Variants in LTBP1 observed in about 807,000 individuals in gnomAD.
LTBP1 encodes latent transforming growth factor beta binding protein 1.
In LTBP1, 129 loss-of-function variants were observed where a neutral mutation model predicts 207.6. The observed-to-expected ratio is 0.62, with a 90% confidence interval of 0.54 to 0.72. LTBP1 has a LOEUF of 0.72. Among genes scored for constraint, LTBP1 ranks in the 30% least tolerant of loss-of-function variants. The pLI is 0.00. For synonymous variants in LTBP1, 963 were observed against 833.7 expected (o/e 1.16, Z -2.67); for missense variants, 2,281 against 2,217.2 (o/e 1.03, Z -0.58).
At chr2:33,332,101 T>C (rs2094500258) in intron 24 of LTBP1, among the ~76,000 whole-genome samples, 2 of 152,228 alleles carry the variant, frequency 1.3e-5, no homozygotes, top group Middle Eastern at 6.8e-3. Flanking sequence ...ATTTTATTTT[T>C]GTTTGTACAG....
intron 3 of LTBP1, among the ~76,000 whole-genome samples, chr2:33,092,649 T>G (rs966314230): frequency 3.3e-5 from 5 of 152,180 alleles, no homozygotes; most frequent in Non-Finnish European, 7.3e-5. Flanking sequence ...GGTGGAATTT[T>G]TAGTCTTAGA....
At chr2:33,178,819 TC>T (rs2086328990) in intron 5 of LTBP1, among the ~76,000 whole-genome samples, 2 of 152,226 alleles carry the variant, frequency 1.3e-5, no homozygotes, top group South Asian at 4.1e-4. Context: ...TGGAGGAACT[TC>T]CTTGTAATGA....
intron 19 of LTBP1, among the ~76,000 whole-genome samples, chr2:33,284,927 T>C (rs1296214008): frequency 6.6e-6 from 1 of 152,100 alleles, no homozygotes; most frequent in Non-Finnish European, 1.5e-5. Context: ...CCATCCATGC[T>C]ACAACCCTTT....
chr2:33,213,632 C>G (rs1323561610), intron 7 of LTBP1, among the ~76,000 whole-genome samples: 1 of 152,172 alleles, frequency 6.6e-6, no homozygotes, highest in Admixed American at 6.5e-5. Flanking sequence ...TCAGTGGTCT[C>G]TTGGGTGAGA....
intron 2 of LTBP1, among the ~76,000 whole-genome samples, chr2:32,955,848 A>G (rs1244341197): frequency 6.6e-6 from 1 of 152,130 alleles, no homozygotes; most frequent in Non-Finnish European, 1.5e-5. Flanking sequence ...TGTGACACAA[A>G]TTGGTTGTTT....
intron 15 of LTBP1, among the ~76,000 whole-genome samples, chr2:33,267,241 C>G (rs962143553): frequency 6.6e-6 from 1 of 152,256 alleles, no homozygotes; most frequent in African/African-American, 2.4e-5. Flanking sequence ...TCACACACCC[C>G]TCACTGCTCC....
chr2:33,269,881 A>G (rs1475192002), intron 15 of LTBP1, among the ~76,000 whole-genome samples: 1 of 152,114 alleles, frequency 6.6e-6, no homozygotes, highest in Non-Finnish European at 1.5e-5. Context: ...AAGGAGAGAA[A>G]ACACAGGGGA....
intron 31 of LTBP1, among the ~76,000 whole-genome samples, chr2:33,381,829 A>T (rs1308679547): frequency 1.3e-5 from 2 of 152,106 alleles, no homozygotes; most frequent in Non-Finnish European, 2.9e-5. Flanking sequence ...CAGATAGACC[A>T]CTTTGGGTTC....
At chr2:33,103,632 T>TG (rs200334066) in intron 3 of LTBP1, among the ~76,000 whole-genome samples, 16,209 of 149,300 alleles carry the variant, frequency 0.11, 1,140 homozygotes, top group Non-Finnish European at 0.15. Context: ...TGTGTGAGTG[T>TG]TATGCTGCCA....
At chr2:33,171,716 A>G (rs2085474213) in intron 5 of LTBP1, among the ~76,000 whole-genome samples, 1 of 152,224 alleles carries the variant, frequency 6.6e-6, no homozygotes, top group South Asian at 2.1e-4. Context: ...CAGATTCACC[A>G]AAGTTGAAAT....
chr2:32,968,262 G>A (rs1680296466), intron 2 of LTBP1, among the ~76,000 whole-genome samples: 1 of 152,310 alleles, frequency 6.6e-6, no homozygotes, highest in East Asian at 1.9e-4. Context: ...CACCATGCCT[G>A]ATTATCTATC....
intron 31 of LTBP1, among the ~76,000 whole-genome samples, chr2:33,378,736 CTAA>C (rs746325912): frequency 2.0e-5 from 3 of 152,094 alleles, no homozygotes; most frequent in Non-Finnish European, 4.4e-5. Context: ...CTTAACGAAC[CTAA>C]TAATACAACT....
rs200820776 is a variant in LTBP1 at position 33,315,082 on chromosome 2, G to GATAGTATAT, written c.3605-61_3605-53dup. The GATAGTATAT allele has an allele frequency of 0.014, 18,134 of 1,333,396 alleles. 1,902 individuals are homozygous for GATAGTATAT. In the African/African-American group the frequency reaches 0.23, roughly 17 times the overall value. The allele number at this position is 1,333,396 out of a possible 1,614,324, so 82.6% of individuals were successfully genotyped here. On this transcript the variant is annotated intron_variant, in intron 23 of 33. Coordinates refer to ENST00000404816, the MANE Select transcript of LTBP1 (RefSeq NM_206943.4). ...TAATAGATTTATTTGCCATCTGTTT[G>GATAGTATAT]ATAGTATATGGGAATGAAACCGATT...
At chr2:33,303,543 G>A (rs1300382980) in intron 22 of LTBP1, among the ~76,000 whole-genome samples, 1 of 151,858 alleles carries the variant, frequency 6.6e-6, no homozygotes, top group African/African-American at 2.4e-5. Flanking sequence ...ATAGAGACGG[G>A]TTTTCACCGT....
At chr2:33,013,313 T>C (rs1352247003) in intron 2 of LTBP1, among the ~76,000 whole-genome samples, 2 of 152,170 alleles carry the variant, frequency 1.3e-5, no homozygotes, top group African/African-American at 4.8e-5. Flanking sequence ...TTGATGACTT[T>C]GTTAATTTGG....
intron 3 of LTBP1, among the ~76,000 whole-genome samples, chr2:33,045,083 A>G (rs182487614): frequency 6.6e-6 from 1 of 152,084 alleles, no homozygotes; most frequent in African/African-American, 2.4e-5. Context: ...CTCTGATGAT[A>G]GTTTCTTTTG....
intron 5 of LTBP1, among the ~76,000 whole-genome samples, chr2:33,182,287 G>T (rs1369017672): frequency 6.6e-6 from 1 of 152,022 alleles, no homozygotes; most frequent in East Asian, 1.9e-4. Flanking sequence ...ATGAAACTAA[G>T]TTCATGATAG....
intron 3 of LTBP1, among the ~76,000 whole-genome samples, chr2:33,056,175 CG>C (rs2076988623): frequency 6.6e-6 from 1 of 152,004 alleles, no homozygotes; most frequent in Non-Finnish European, 1.5e-5. Context: ...GGGGCCAAGC[CG>C]TAGCGCAGAA....
Position 33,362,584 on chromosome 2 carries a change from A to T in LTBP1, c.4271-806A>T, listed in dbSNP as rs1313927627. Among the ~76,000 whole-genome samples the T allele has an allele frequency of 2.0e-5, 3 of 152,106 alleles. No individual in the cohort carries two copies. The East Asian group carries it at 5.8e-4, about 29-fold the overall frequency. ...CTGTAAATGGTTGGAAGAAGATTGGATTCAGATCCAACCAGCCATATGTTC... is the reference window on the plus strand; with the variant it reads ...CTGTAAATGGTTGGAAGAAGATTGGTTTCAGATCCAACCAGCCATATGTTC... On this transcript the variant is annotated intron_variant, in intron 28 of 33. Transcript: ENST00000404816.
Sources: allele counts gnomAD v4.1 joint callset (sites outside exome capture counted in the v4.1 genomes callset), GRCh38; gene constraint gnomAD v4.1.1; transcripts MANE v1.5; gene names NCBI Gene and HGNC (gene_info 2026-07-23, HGNC 2026-07-21).